CFAP221: variants seen among roughly 807,000 people sequenced by gnomAD.
The protein encoded by CFAP221 is cilia- and flagella-associated protein 221.
Under a neutral mutation model 113.1 loss-of-function variants are expected in CFAP221, and 97 were observed. That is an observed-to-expected ratio of 0.86 (90% CI 0.73 to 1.02). CFAP221 has a LOEUF of 1.02. Among genes scored for constraint, CFAP221 ranks in the 50% least tolerant of loss-of-function variants. The pLI is 0.00. For synonymous variants in CFAP221, 331 were observed against 354.4 expected, an observed-to-expected ratio of 0.93 and a Z score of 0.74; for missense variants, 1,025 against 1,013.4, an observed-to-expected ratio of 1.01 and a Z score of -0.16.
intron 3 of CFAP221, 122 bp downstream of exon 3, chr2:119,549,307 C>T: frequency 1.4e-6 from 1 of 734,092 alleles, no homozygotes; most frequent in Admixed American, 3.3e-5. Flanking sequence ...GTAAATTGGG[C>T]CAGAAAGGTA....
In CFAP221 at chr2:119,630,655, G is replaced by A. The variant is rs146855237; in HGVS notation, c.1817G>A (p.Arg606Gln). 166 of 1,613,360 alleles carry A rather than the reference G, an allele frequency of 1.0e-4. No homozygotes were observed. The African/African-American group carries it at 1.8e-3, about 17-fold the overall frequency. ...AGTTACAGACCTCAAAAGCTTGCCC[G>A]AGCCCTAAAGCAAGGAGCTGAGGTA... ...STSYRPQKLA[R>Q]ALKQGAEDEV... Residue 606 changes from arginine (R) to glutamine (Q), a missense_variant, in exon 18 of 24, where the codon CGA (arginine) becomes CAA (glutamine). Transcript: ENST00000413369.
chr2:119,571,102 G>A (rs983922041), intron 6 of CFAP221, among the ~76,000 whole-genome samples: 1 of 148,912 alleles, frequency 6.7e-6, no homozygotes, highest in Non-Finnish European at 1.5e-5. Context: ...AGCTAGGTGT[G>A]GTTACACCGT....
intron 6 of CFAP221, among the ~76,000 whole-genome samples, chr2:119,577,762 T>G (rs1022332573): frequency 1.3e-5 from 2 of 152,208 alleles, no homozygotes; most frequent in Non-Finnish European, 2.9e-5. Flanking sequence ...ACTTTAAGAT[T>G]GCCAAATTAA....
chr2:119,617,348 CA>C (rs1685596816), intron 14 of CFAP221, among the ~76,000 whole-genome samples: 2 of 152,290 alleles, frequency 1.3e-5, no homozygotes, highest in South Asian at 4.2e-4. Flanking sequence ...TGCATATGTG[CA>C]AACAGAGTCC....
chr2:119,658,051 C>T (rs923063015), downstream of CFAP221, among the ~76,000 whole-genome samples: 2 of 152,152 alleles, frequency 1.3e-5, no homozygotes, highest in Non-Finnish European at 2.9e-5. Flanking sequence ...TGTTTCTCCT[C>T]AGCTTTTTTC....
intron 13 of CFAP221, among the ~76,000 whole-genome samples, chr2:119,614,211 A>G (rs1685370413): frequency 6.6e-6 from 1 of 152,222 alleles, no homozygotes; most frequent in African/African-American, 2.4e-5. Flanking sequence ...GGGCAAAGCC[A>G]TTCAACAAGT....
intron 10 of CFAP221, 65 bp downstream of exon 10, chr2:119,605,052 A>G: frequency 6.6e-7 from 1 of 1,522,980 alleles, no homozygotes; most frequent in Non-Finnish European, 9.1e-7. Flanking sequence ...TGCTGGTCAC[A>G]CTGATTACCT....
chr2:119,559,911 T>C lies in CFAP221; in HGVS notation c.328-17T>C. 6.5e-7 allele frequency: 1 copy of C among 1,530,414 alleles called. No individual in the cohort carries two copies. The highest frequency in any genetic ancestry group is 8.8e-7 in the Non-Finnish European group (1 of 1,141,752). 94.8% of individuals were successfully genotyped at this position (1,530,414 alleles called of 1,614,324 possible). ...CAGTCCGGGGCTTGTCCCAACAAGA[T>C]GCCACCTGTCTTCCAGGAACACCAC... On this transcript the variant is annotated splice_polypyrimidine_tract_variant and intron_variant, in intron 4 of 23. Coordinates refer to ENST00000413369, the MANE Select transcript of CFAP221 (RefSeq NM_001271049.2).
chr2:119,596,410 A>G (rs1482584607), intron 7 of CFAP221, among the ~76,000 whole-genome samples: 2 of 152,150 alleles, frequency 1.3e-5, no homozygotes, highest in East Asian at 1.9e-4. Flanking sequence ...TGCTGCACAC[A>G]TTGCTCCTGG....
chr2:119,550,476 T>G (rs1476220082), intron 3 of CFAP221, among the ~76,000 whole-genome samples: 1 of 152,144 alleles, frequency 6.6e-6, no homozygotes, highest in Non-Finnish European at 1.5e-5. Flanking sequence ...AGGATTAGGA[T>G]TTGAAACTCT....
chr2:119,615,545 T>C, intron 13 of CFAP221, 66 bp from the exon 14 acceptor site: 1 of 1,148,978 alleles, frequency 8.7e-7, no homozygotes, highest in Non-Finnish European at 1.2e-6. Context: ...TAAAATGTTT[T>C]TATTAGATGT....
intron 23 of CFAP221, among the ~76,000 whole-genome samples, chr2:119,654,472 A>G (rs1266258017): frequency 6.6e-6 from 1 of 152,092 alleles, no homozygotes; most frequent in Non-Finnish European, 1.5e-5. Context: ...GCAAGGTAAT[A>G]TTCAATACCT....
intron 6 of CFAP221, among the ~76,000 whole-genome samples, chr2:119,568,374 C>T (rs540059051): frequency 4.0e-5 from 6 of 151,848 alleles, no homozygotes; most frequent in Non-Finnish European, 8.8e-5. Context: ...GCAGGATGTG[C>T]AGGTTTGTTA....
intron 20 of CFAP221, among the ~76,000 whole-genome samples, chr2:119,639,473 A>G (rs893191767): frequency 6.6e-6 from 1 of 152,208 alleles, no homozygotes; most frequent in African/African-American, 2.4e-5. Flanking sequence ...CATTAGCATC[A>G]CATTCACAAT....
intron 15 of CFAP221, among the ~76,000 whole-genome samples, chr2:119,625,955 C>G (rs1378348913): frequency 6.6e-6 from 1 of 152,144 alleles, no homozygotes; most frequent in East Asian, 1.9e-4. Flanking sequence ...GCCTTTTAAA[C>G]TTAATGGCTT....
chr2:119,581,574 C>G (rs1171904156), intron 6 of CFAP221, among the ~76,000 whole-genome samples: 1 of 152,028 alleles, frequency 6.6e-6, no homozygotes, highest in African/African-American at 2.4e-5. Flanking sequence ...TTAGGGGGTA[C>G]GGAAGCTAGA....
chr2:119,564,558 GCA>G (rs1681488335), intron 6 of CFAP221, among the ~76,000 whole-genome samples: 1 of 152,110 alleles, frequency 6.6e-6, no homozygotes, highest in Non-Finnish European at 1.5e-5. Flanking sequence ...TTTGATGCAT[GCA>G]CATGCACCCC....
intron 21 of CFAP221, among the ~76,000 whole-genome samples, chr2:119,642,791 C>T (rs1443539750): frequency 1.3e-5 from 2 of 152,022 alleles, no homozygotes; most frequent in African/African-American, 4.8e-5. Context: ...CCTCCCACCT[C>T]AGCCTCCCAA....
At chr2:119,644,110 G>A (rs755752440) in intron 21 of CFAP221, among the ~76,000 whole-genome samples, 6 of 151,982 alleles carry the variant, frequency 3.9e-5, no homozygotes, top group Non-Finnish European at 8.8e-5. Context: ...CCAATATTAT[G>A]CCACTGCACT....
Sources: allele counts gnomAD v4.1 joint callset (sites outside exome capture counted in the v4.1 genomes callset), GRCh38; gene constraint gnomAD v4.1.1; transcripts MANE v1.5; gene names NCBI Gene and HGNC (gene_info 2026-07-23, HGNC 2026-07-21).